The following CCDC24 variants were observed in gnomAD, a reference collection of about 807,000 sequenced individuals.
CCDC24 encodes coiled-coil domain-containing protein 24.
A neutral mutation model predicts 31.6 loss-of-function variants in CCDC24; 34 were observed. That is an observed-to-expected ratio of 1.08 (90% CI 0.82 to 1.43). The LOEUF (loss-of-function observed/expected upper bound fraction) is 1.43, where lower values mean the gene tolerates loss of function less well. Among genes scored for constraint, CCDC24 ranks in the 40% most tolerant of loss-of-function variants. The probability of loss-of-function intolerance (pLI) is 0.00; values close to 1 mark genes in which losing one functional copy is unlikely to be tolerated. For missense variants in CCDC24, 426 were observed against 391.1 expected (o/e 1.09, Z -0.75); for synonymous variants, 175 against 157.3 (o/e 1.11, Z -0.84).
chr1:43,993,293 A>T (rs1002832901), intron 4 of CCDC24, among the ~76,000 whole-genome samples: 3 of 150,890 alleles, frequency 2.0e-5, no homozygotes, highest in Admixed American at 2.0e-4. Flanking sequence ...GTGAAAAAAA[A>T]AATAGTCAGG....
Position 43,995,035 on chromosome 1 carries a change from G to T in CCDC24, c.498-73G>T. 7.1e-7 allele frequency: 1 copy of T among 1,417,364 alleles called. No individual in the cohort carries two copies. The highest frequency in any genetic ancestry group is 9.7e-7 in the Non-Finnish European group (1 of 1,027,854). 87.8% of individuals were successfully genotyped at this position (1,417,364 alleles called of 1,614,324 possible). On this transcript the variant is annotated intron_variant, in intron 5 of 8. Transcript: ENST00000372318. The surrounding 1 kb of genome is among the most constrained non-coding windows in gnomAD (Gnocchi z 4.3). ...GGGCTCCTGCTGAGGCTGGAGGTTG[G>T]GGCCATGTGGTGGACTCAGCTGAGC...
chr1:43,992,042 C>G (rs2154303591), intron 2 of CCDC24, 38 bp downstream of exon 2: 2 of 1,459,650 alleles, frequency 1.4e-6, no homozygotes, highest in Non-Finnish European at 1.8e-6. Flanking sequence ...CCTGGCCTGC[C>G]CCACGACTCG....
At chr1:43,993,572 G>C (rs924523397) in intron 4 of CCDC24, among the ~76,000 whole-genome samples, 7 of 151,730 alleles carry the variant, frequency 4.6e-5, no homozygotes, top group African/African-American at 4.8e-5. Flanking sequence ...ACTTGAGCCC[G>C]GGATGTCAAG....
rs779217176 is a variant in CCDC24, at chr1:43,992,618, A to C, written c.398A>C (p.Gln133Pro). ...RCDLPEQEIF[Q>P]MRGGGPSSGH... Reference sequence around the variant, plus strand: ...GATTTGCCAGAACAGGAGATATTCCAGATGAGAGGTGGTGGGCCCAGGTAA... The same window carrying C: ...GATTTGCCAGAACAGGAGATATTCCCGATGAGAGGTGGTGGGCCCAGGTAA... Residue 133 changes from glutamine (Q) to proline (P), a missense_variant, in exon 4 of 9, where the codon CAG becomes CCG. Physicochemically the swap from Gln to Pro is moderately conservative, Grantham distance 76. Transcript: ENST00000372318. The C allele has an allele frequency of 1.4e-5, 23 of 1,614,096 alleles. No individual in the cohort carries two copies. Among genetic ancestry groups the C allele is most frequent in the Non-Finnish European group, 1.4e-5 (17 of 1,180,036 alleles).
chr1:43,993,780 A>G (rs1213813104), intron 4 of CCDC24, 107 bp from the exon 5 acceptor site: 13 of 1,047,954 alleles, frequency 1.2e-5, no homozygotes, highest in African/African-American at 3.1e-5. Context: ...TTTGCACTAT[A>G]TTATATTGCC....
Position 43,991,896 on chromosome 1 carries a change from C to G in CCDC24, c.18C>G (p.Pro6=), listed in dbSNP as rs1246020311. Reference sequence around the variant, plus strand: ...GGTGGGTCATGCTCCGGCACTCCCCCTCGCTGTGGGAGCTGGTGGAGGAGC... The same window carrying G: ...GGTGGGTCATGCTCCGGCACTCCCCGTCGCTGTGGGAGCTGGTGGAGGAGC... MLRHS[P]SLWELVEEHV... Residue 6 remains proline, a synonymous_variant, in exon 2 of 9, where the codon CCC becomes CCG. Coordinates refer to ENST00000372318, the MANE Select transcript of CCDC24 (RefSeq NM_152499.4). 6.4e-7 allele frequency: 1 copy of G among 1,552,428 alleles called. No individual in the cohort carries two copies. The highest frequency in any genetic ancestry group is 8.7e-7 in the Non-Finnish European group (1 of 1,147,546).
intron 5 of CCDC24, chr1:43,994,401 T>C (rs1368812585): frequency 1.2e-5 from 2 of 169,176 alleles, no homozygotes; most frequent in African/African-American, 4.8e-5. Flanking sequence ...TGAGTCATGA[T>C]GGGTGGCAGA....
chr1:43,995,486 C>T lies in CCDC24; in HGVS notation c.553-115C>T. The T allele has an allele frequency of 8.5e-7, 1 of 1,172,216 alleles. No homozygotes were observed. The allele number at this position is 1,172,216 out of a possible 1,614,324, so 72.6% of individuals were successfully genotyped here. On this transcript the variant is annotated intron_variant, in intron 6 of 8. Coordinates refer to ENST00000372318, the MANE Select transcript of CCDC24 (RefSeq NM_152499.4). This position sits in a 1 kb window ranked among gnomAD's most constrained non-coding sequence, Gnocchi z 4.3. ...ATTCCCTGGGGAACGTGGCTGCCCT[C>T]ACGGTGGATGGGCTGAAGGGGCTGC...
At position 43,995,778 on chromosome 1, in the gene CCDC24, A is replaced by G; in HGVS notation, c.623A>G (p.Glu208Gly). 6.2e-7 allele frequency: 1 copy of G among 1,614,126 alleles called. No individual in the cohort carries two copies. The highest frequency in any genetic ancestry group is 8.5e-7 in the Non-Finnish European group (1 of 1,179,966). Residue 208 changes from glutamate (E) to glycine (G), a missense_variant and splice_region_variant, in exon 8 of 9, where the codon GAG becomes GGG. By Grantham distance (98) the Glu-to-Gly change is moderately conservative. Coordinates refer to ENST00000372318, the MANE Select transcript of CCDC24 (RefSeq NM_152499.4). This position sits in a 1 kb window ranked among gnomAD's most constrained non-coding sequence, Gnocchi z 4.3. ...TGTCTCAGCCCAATCTCTCCTTCAG[A>G]GCTAAAGGAACAGAAGAAGGCCATG... ...SEAALEPTLA[E>G]LKEQKKAMEQ...
intron 4 of CCDC24, 24 bp downstream of exon 4, chr1:43,992,663 G>A (rs762788875): frequency 1.3e-5 from 21 of 1,598,382 alleles, no homozygotes; most frequent in Non-Finnish European, 1.7e-5. Flanking sequence ...AGGAGAGAGG[G>A]ATCTGTCCCT....
chr1:43,993,851 G>A (rs773246226), intron 4 of CCDC24, 36 bp from the exon 5 acceptor site: 3 of 1,606,356 alleles, frequency 1.9e-6, no homozygotes, highest in Non-Finnish European at 2.6e-6. Flanking sequence ...CCTGGGGTGA[G>A]CAACATGCGG....
rs760957174 is a variant in CCDC24, at chr1:43,995,145, G to C, written c.535G>C (p.Glu179Gln). The change falls in exon 6 of 9, where the codon GAG becomes CAG. Residue 179 changes from glutamate to glutamine, a missense_variant. Glu to Gln is a conservative substitution (Grantham distance 29). Transcript: ENST00000372318. This position sits in a 1 kb window ranked among gnomAD's most constrained non-coding sequence, Gnocchi z 4.3. Reference sequence around the variant, plus strand: ...GGAGGAGTGTCACACCTTGGAGAGGGAGATCCTCATCCTGCAGGTGAGCCG... The same window carrying C: ...GGAGGAGTGTCACACCTTGGAGAGGCAGATCCTCATCCTGCAGGTGAGCCG... ...LEEECHTLER[E>Q]ILILQRCLEE... 3.2e-5 allele frequency: 51 copies of C among 1,579,462 alleles called. No homozygotes were observed. In the South Asian group the frequency reaches 5.7e-4, roughly 18 times the overall value.
chr1:43,996,021 C>T lies in CCDC24; in HGVS notation c.785C>T (p.Pro262Leu). The T allele has an allele frequency of 1.9e-6, 3 of 1,614,194 alleles. No individual in the cohort carries two copies. Among genetic ancestry groups the T allele is most frequent in the Non-Finnish European group, 2.5e-6 (3 of 1,180,038 alleles). Residue 262 changes from proline to leucine, a missense_variant, in exon 9 of 9, where the codon CCT becomes CTT. Pro to Leu is a moderately conservative substitution (Grantham distance 98). Transcript: ENST00000372318. ...CGVAPLQCCL[P>L]APPLEPYLRP... is the part of the protein sequence containing the mutation. ...GTTGCACCTCTCCAGTGCTGCCTGC[C>T]TGCACCTCCTCTGGAGCCCTACCTT...
In CCDC24 at chr1:43,991,603, G is replaced by C; in HGVS notation, c.-176G>C. The C allele has an allele frequency of 1.4e-6, 1 of 700,702 alleles. No individual in the cohort carries two copies. Among genetic ancestry groups the C allele is most frequent in the Non-Finnish European group, 2.6e-6 (1 of 384,162 alleles). 43.4% of individuals were successfully genotyped at this position (700,702 alleles called of 1,614,324 possible). A position where few individuals can be genotyped will look rare whatever the true frequency, so the allele number is the denominator to read the frequency against. ...CCCGGGTGATGGCCACGCGGAAGAG[G>C]TGGGGCTAGGGCCCTGGTTCCCACT... On this transcript the variant is annotated 5_prime_UTR_variant, in exon 1 of 9. Coordinates refer to ENST00000372318, the MANE Select transcript of CCDC24 (RefSeq NM_152499.4).
At position 43,995,651 on chromosome 1, in the gene CCDC24, C is replaced by A; in HGVS notation, c.603C>A (p.Ala201=). The A allele has an allele frequency of 1.2e-6, 2 of 1,613,378 alleles. No homozygotes were observed. The highest frequency in any genetic ancestry group is 2.2e-5 in the South Asian group (2 of 90,900). Reference sequence around the variant, plus strand: ...GGCCTTGCCACCCCTCTGAGGCAGCCCTGGAGCCCACCCTGGCAGGTGAGG... The same window carrying A: ...GGCCTTGCCACCCCTCTGAGGCAGCACTGGAGCCCACCCTGGCAGGTGAGG... ...YLRPCHPSEA[A]LEPTLAELKE... Residue 201 remains alanine, a synonymous_variant, in exon 7 of 9, where the codon GCC becomes GCA. Coordinates refer to ENST00000372318, the MANE Select transcript of CCDC24 (RefSeq NM_152499.4). The surrounding 1 kb of genome is among the most constrained non-coding windows in gnomAD (Gnocchi z 4.3).
At position 43,995,152 on chromosome 1, in the gene CCDC24, T is replaced by C; in HGVS notation, c.542T>C (p.Leu181Pro). 6.3e-7 allele frequency: 1 copy of C among 1,576,722 alleles called. No homozygotes were observed. The highest frequency in any genetic ancestry group is 8.6e-7 in the Non-Finnish European group (1 of 1,161,854). Reference sequence around the variant, plus strand: ...TGTCACACCTTGGAGAGGGAGATCCTCATCCTGCAGGTGAGCCGCAGCCCT... The same window carrying C: ...TGTCACACCTTGGAGAGGGAGATCCCCATCCTGCAGGTGAGCCGCAGCCCT... ...EECHTLEREI[L>P]ILQRCLEEEY... is the part of the protein sequence containing the mutation. The change falls in exon 6 of 9, where the codon CTC (leucine) becomes CCC (proline). Residue 181 changes from leucine (L) to proline (P), a missense_variant. Coordinates refer to ENST00000372318, the MANE Select transcript of CCDC24 (RefSeq NM_152499.4). This position sits in a 1 kb window ranked among gnomAD's most constrained non-coding sequence, Gnocchi z 4.3.
At position 43,991,903 on chromosome 1, in the gene CCDC24, TG is replaced by T; in HGVS notation, c.28del (p.Glu10SerfsTer15). 1 of 1,551,584 alleles carries T rather than the reference TG, an allele frequency of 6.4e-7. No individual in the cohort carries two copies. The highest frequency in any genetic ancestry group is 8.7e-7 in the Non-Finnish European group (1 of 1,147,080). On this transcript the variant is annotated frameshift_variant, in exon 2 of 9. Coordinates refer to ENST00000372318, the MANE Select transcript of CCDC24 (RefSeq NM_152499.4). LOFTEE classifies it high-confidence loss of function. ...CATGCTCCGGCACTCCCCCTCGCTG[TG>T]GGAGCTGGTGGAGGAGCACGTTCCG... MLRHSPSL[W>X]ELVEEHVPLR...
rs144611221 is a variant in CCDC24, at chr1:43,995,990, T to C, written c.754T>C (p.Cys252Arg). The change falls in exon 9 of 9, where the codon TGC becomes CGC. Residue 252 changes from cysteine to arginine, a missense_variant. Physicochemically the swap from Cys to Arg is radical, Grantham distance 180 (BLOSUM62 -3). Transcript: ENST00000372318. The surrounding 1 kb of genome is among the most constrained non-coding windows in gnomAD (Gnocchi z 4.3). ...GGGCCTCAGACCCCCGCTTCCCCTCTGCGGGGTTGCACCTCTCCAGTGCTG... is the reference window on the plus strand; with the variant it reads ...GGGCCTCAGACCCCCGCTTCCCCTCCGCGGGGTTGCACCTCTCCAGTGCTG... ...TQGLRPPLPL[C>R]GVAPLQCCLP... The C allele has an allele frequency of 2.2e-4, 351 of 1,614,156 alleles. 1 individual carries two copies. In the African/African-American group the frequency reaches 4.2e-3, roughly 19 times the overall value.
At chr1:43,992,110 C>G (rs41270401) in intron 2 of CCDC24, 102 bp from the exon 3 acceptor site, 1 of 1,511,260 alleles carries the variant, frequency 6.6e-7, no homozygotes, top group Middle Eastern at 2.3e-4. Context: ...GAGATCCTAT[C>G]CTGGTCTCCC....
Sources: allele counts gnomAD v4.1 joint callset (sites outside exome capture counted in the v4.1 genomes callset), GRCh38; gene constraint gnomAD v4.1.1; non-coding constraint Gnocchi (gnomAD v3.1); transcripts MANE v1.5; gene names NCBI Gene and HGNC (gene_info 2026-07-23, HGNC 2026-07-21).